Variants in TTC8 observed in about 807,000 individuals in gnomAD.
TTC8 encodes tetratricopeptide repeat protein 8.
A neutral mutation model predicts 72.5 loss-of-function variants in TTC8; 47 were observed. That is an observed-to-expected ratio of 0.65 (90% CI 0.51 to 0.83). The LOEUF is 0.83. Ranked by LOEUF, TTC8 falls within the 40% of genes least tolerant of loss-of-function variation. The probability of loss-of-function intolerance (pLI) is 0.00; values close to 1 mark genes in which losing one functional copy is unlikely to be tolerated. For synonymous variants in TTC8, 199 were observed against 221.4 expected (o/e 0.90, Z 0.90); for missense variants, 611 against 623.2 (o/e 0.98, Z 0.21).
At chr14:88,858,068 T>G (rs745322620) in intron 9 of TTC8, among the ~76,000 whole-genome samples, 3 of 152,042 alleles carry the variant, frequency 2.0e-5, no homozygotes, top group Non-Finnish European at 2.9e-5. Context: ...TTCGAGTGAT[T>G]CTCCTGTCTC....
At chr14:88,872,306 G>A in intron 12 of TTC8, 24 bp from the exon 13 acceptor site, 3 of 1,613,160 alleles carry the variant, frequency 1.9e-6, no homozygotes, top group Non-Finnish European at 2.5e-6. Flanking sequence ...ACCCATGGGT[G>A]TGAACATAGG....
intron 2 of TTC8, among the ~76,000 whole-genome samples, chr14:88,837,924 A>G (rs1377689589): frequency 6.6e-6 from 1 of 151,982 alleles, no homozygotes; most frequent in Non-Finnish European, 1.5e-5. Flanking sequence ...TTTTGAGTCT[A>G]TATTCTACTC....
At chr14:88,862,397 A>G (rs370857737) in intron 10 of TTC8, among the ~76,000 whole-genome samples, 10 of 150,544 alleles carry the variant, frequency 6.6e-5, no homozygotes, top group East Asian at 2.0e-4. Context: ...ATGGTGTATT[A>G]GGTGATTCTT....
chr14:88,876,804 A>G (rs2094959238), intron 14 of TTC8, among the ~76,000 whole-genome samples: 2 of 152,176 alleles, frequency 1.3e-5, no homozygotes, highest in Non-Finnish European at 2.9e-5. Flanking sequence ...TATGCCTTAA[A>G]TACAGCAGTT....
At chr14:88,877,182 G>A in intron 14 of TTC8, 112 bp from the exon 15 acceptor site, 1 of 794,316 alleles carries the variant, frequency 1.3e-6, no homozygotes, top group Non-Finnish European at 2.1e-6. Context: ...AAAAAGAAAA[G>A]AACCCTTTGA....
chr14:88,864,382 G>T (rs982055910), intron 10 of TTC8, among the ~76,000 whole-genome samples: 1 of 152,204 alleles, frequency 6.6e-6, no homozygotes, highest in Non-Finnish European at 1.5e-5. Flanking sequence ...TGCCAGTGCA[G>T]TTGGAGCTCT....
At chr14:88,833,919 TG>T (rs2094738082) in intron 2 of TTC8, 197 bp downstream of exon 2, 3 of 607,046 alleles carry the variant, frequency 4.9e-6, no homozygotes, top group Non-Finnish European at 8.8e-6. Context: ...TTGATAGCCT[TG>T]TAGAACTAAT....
At chr14:88,875,733 A>G (rs1595993259) in intron 14 of TTC8, among the ~76,000 whole-genome samples, 2 of 152,350 alleles carry the variant, frequency 1.3e-5, no homozygotes, top group South Asian at 4.1e-4. Flanking sequence ...TTGATAGACC[A>G]TAAGATATTT....
chr14:88,875,960 T>C (rs1392810861), intron 14 of TTC8, among the ~76,000 whole-genome samples: 1 of 152,174 alleles, frequency 6.6e-6, no homozygotes, highest in Non-Finnish European at 1.5e-5. Context: ...TTATTGAGCC[T>C]TTGCTATATA....
Position 88,824,811 on chromosome 14 carries a change from C to CT in TTC8, c.106dup (p.Tyr36LeufsTer2), listed in dbSNP as rs2094691095. On this transcript the variant is annotated frameshift_variant, in exon 1 of 15. Transcript: ENST00000380656. LOFTEE classifies it high-confidence loss of function. Reference sequence around the variant, plus strand: ...TGCACGCAGATGCTGGAGAAGTCCCCTTATGACCAGGTACCGGCCAGCTCC... The same window carrying CT: ...TGCACGCAGATGCTGGAGAAGTCCCCTTTATGACCAGGTACCGGCCAGCTCC... 1 of 1,613,094 alleles carries CT rather than the reference C, an allele frequency of 6.2e-7. No homozygotes were observed. The highest frequency in any genetic ancestry group is 1.3e-5 in the African/African-American group (1 of 75,040).
chr14:88,869,683 C>G (rs571805703), intron 10 of TTC8, among the ~76,000 whole-genome samples: 2 of 152,202 alleles, frequency 1.3e-5, no homozygotes, highest in East Asian at 3.9e-4. Flanking sequence ...TGAGCTTCCC[C>G]CAGATATGCT....
intron 13 of TTC8, 70 bp from the exon 14 acceptor site, chr14:88,874,956 A>C (rs1327373339): frequency 7.8e-7 from 1 of 1,282,266 alleles, no homozygotes; most frequent in African/African-American, 1.5e-5. Flanking sequence ...TACCAAAAAA[A>C]AAACACAAAT....
At position 88,841,434 on chromosome 14, in the gene TTC8, C is replaced by CT; in HGVS notation, c.501dup (p.Thr168TyrfsTer4). On this transcript the variant is annotated frameshift_variant, in exon 6 of 15. Transcript: ENST00000380656. LOFTEE classifies it high-confidence loss of function. ...TGTTTTTCCTCTGTAGGCTTCCATG[C>CT]TTACAAGTCCTGATGGACCATTTAT... 1 of 1,613,674 alleles carries CT rather than the reference C, an allele frequency of 6.2e-7. No homozygotes were observed. Among genetic ancestry groups the CT allele is most frequent in the Non-Finnish European group, 8.5e-7 (1 of 1,179,792 alleles).
intron 1 of TTC8, among the ~76,000 whole-genome samples, chr14:88,830,495 T>C (rs1433729577): frequency 6.6e-6 from 1 of 152,226 alleles, no homozygotes; most frequent in African/African-American, 2.4e-5. Flanking sequence ...GTGAAAGAAC[T>C]CTAAAAGTTG....
rs1366803868 is a variant in TTC8, at chr14:88,846,671, A to G, written c.624+2821A>G. 3 of 1,432,602 alleles carry G rather than the reference A, an allele frequency of 2.1e-6. No individual in the cohort carries two copies. Among genetic ancestry groups the G allele is most frequent in the African/African-American group, 1.4e-5 (1 of 70,828 alleles). The allele number at this position is 1,432,602 out of a possible 1,614,324, so 88.7% of individuals were successfully genotyped here. A position where few individuals can be genotyped will look rare whatever the true frequency, so the allele number is the denominator to read the frequency against. ...TTGAGGAATAAAAATCACATTGAAA[A>G]AAATGTAAGATTTATTCCCTGCACT... On this transcript the variant is annotated intron_variant, in intron 7 of 14. Transcript: ENST00000380656.
At chr14:88,868,352 C>A (rs1312769551) in intron 10 of TTC8, among the ~76,000 whole-genome samples, 1 of 152,172 alleles carries the variant, frequency 6.6e-6, no homozygotes, top group Non-Finnish European at 1.5e-5. Context: ...ATATAACTTA[C>A]ATAAACAAAA....
chr14:88,874,293 G>A (rs1329336817), intron 13 of TTC8, among the ~76,000 whole-genome samples: 1 of 151,792 alleles, frequency 6.6e-6, no homozygotes, highest in Non-Finnish European at 1.5e-5. Context: ...TTGTCTTCAG[G>A]GTCATGGATA....
intron 2 of TTC8, among the ~76,000 whole-genome samples, chr14:88,838,960 T>G (rs555623555): frequency 2.0e-5 from 3 of 152,124 alleles, no homozygotes; most frequent in Non-Finnish European, 4.4e-5. Context: ...TTTGCTAGAG[T>G]GTTTTTCAAA....
At chr14:88,840,836 T>G in intron 3 of TTC8, 29 bp from the exon 4 acceptor site, 1 of 1,607,670 alleles carries the variant, frequency 6.2e-7, no homozygotes, top group Non-Finnish European at 8.5e-7. Flanking sequence ...AGATAATATA[T>G]AAATTGTATT....
Sources: allele counts gnomAD v4.1 joint callset (sites outside exome capture counted in the v4.1 genomes callset), GRCh38; gene constraint gnomAD v4.1.1; transcripts MANE v1.5; gene names NCBI Gene and HGNC (gene_info 2026-07-23, HGNC 2026-07-21).